The following JADE1 variants were observed in gnomAD, a reference collection of about 807,000 sequenced individuals.
JADE1 encodes jade family PHD finger 1, also known as protein Jade-1.
In JADE1, 14 loss-of-function variants were observed where a neutral mutation model predicts 81.8. That is an observed-to-expected ratio of 0.17 (90% CI 0.11 to 0.27). The LOEUF (loss-of-function observed/expected upper bound fraction) is 0.27. Among genes scored for constraint, JADE1 ranks in the 10% least tolerant of loss-of-function variants. The pLI is 1.00. For synonymous variants in JADE1, 353 were observed against 391.9 expected (o/e 0.90, Z 1.17); for missense variants, 690 against 1,047.9 (o/e 0.66, Z 4.71).
At chr4:128,838,157 C>T (rs1729133774) in intron 2 of JADE1, among the ~76,000 whole-genome samples, 1 of 152,130 alleles carries the variant, frequency 6.6e-6, no homozygotes, top group Non-Finnish European at 1.5e-5. Flanking sequence ...GTGCTACAAA[C>T]TCTGTGCCTT....
rs778483596 is a variant in JADE1, at chr4:128,855,600, A to G, written c.697-30A>G. 2.6e-6 allele frequency: 4 copies of G among 1,554,104 alleles called. No homozygotes were observed. In the South Asian group the frequency reaches 3.5e-5, roughly 14 times the overall value. ...AAAATAACATTTTCTCTTTCTCTCT[A>G]TTCCTCTGGGATGTGCCGTGGCATC... On this transcript the variant is annotated intron_variant, in intron 6 of 10. Transcript: ENST00000226319.
rs912754491 is a variant in JADE1, at chr4:128,873,361, C to T, written c.*1099C>T. On this transcript the variant is annotated 3_prime_UTR_variant, in exon 11 of 11. Transcript: ENST00000226319. ...AAAACAATAGAAAGGCAATAAGTTG[C>T]GATAAGCTCTTACTATTGACCAAGG... is the stretch of plus-strand genomic sequence containing the variant. 6 of 151,292 alleles carry T rather than the reference C, an allele frequency of 4.0e-5. No individual in the cohort carries two copies. The highest frequency in any genetic ancestry group is 1.5e-4 in the African/African-American group (6 of 40,922). The allele number at this position is 151,292 out of a possible 1,614,324, so 9.4% of individuals were successfully genotyped here. A position where few individuals can be genotyped will look rare whatever the true frequency, so the allele number is the denominator to read the frequency against.
In JADE1 at chr4:128,873,892, C is replaced by T. The variant is rs1168450076; in HGVS notation, c.*1630C>T. Reference sequence around the variant, plus strand: ...AAAAGGCTTATTGAATCCCATCTTGCTATGCAAGTTTTATCAGATGATCAA... The same window carrying T: ...AAAAGGCTTATTGAATCCCATCTTGTTATGCAAGTTTTATCAGATGATCAA... On this transcript the variant is annotated 3_prime_UTR_variant, in exon 11 of 11. Transcript: ENST00000226319. The T allele has an allele frequency of 3.3e-5, 5 of 152,630 alleles. No homozygotes were observed. Among genetic ancestry groups the T allele is most frequent in the South Asian group, 2.1e-4 (1 of 4,834 alleles). 9.5% of individuals were successfully genotyped at this position (152,630 alleles called of 1,614,324 possible).
chr4:128,861,292 A>G lies in JADE1; in HGVS notation c.982-412A>G, dbSNP rs192160055. On this transcript the variant is annotated intron_variant, in intron 8 of 10. Coordinates refer to ENST00000226319, the MANE Select transcript of JADE1 (RefSeq NM_199320.4). ...TTTGTGTAATCATGTCTGCTCCAAG[A>G]TGGGATTTGGATGCAGTTACTTTTC... is the stretch of plus-strand genomic sequence containing the variant. Among the ~76,000 whole-genome samples the G allele has an allele frequency of 1.5e-3, 235 of 152,284 alleles. 1 individual carries two copies. Among genetic ancestry groups the G allele is most frequent in the Non-Finnish European group, 1.8e-3 (121 of 68,024 alleles).
intron 2 of JADE1, among the ~76,000 whole-genome samples, chr4:128,833,789 C>T (rs866183392): frequency 5.3e-5 from 8 of 152,164 alleles, no homozygotes; most frequent in African/African-American, 1.9e-4. Context: ...AGCTTAAGAG[C>T]CCTATTTAAA....
intron 8 of JADE1, among the ~76,000 whole-genome samples, chr4:128,858,042 G>A (rs1390505092): frequency 2.0e-5 from 3 of 152,138 alleles, no homozygotes; most frequent in African/African-American, 7.2e-5. Flanking sequence ...CATCTCATTG[G>A]GGCATCATTT....
intron 8 of JADE1, among the ~76,000 whole-genome samples, chr4:128,857,938 G>C (rs938041779): frequency 1.3e-5 from 2 of 152,138 alleles, no homozygotes; most frequent in Non-Finnish European, 2.9e-5. Flanking sequence ...GTAATCAAGG[G>C]GACATGCTAA....
intron 2 of JADE1, among the ~76,000 whole-genome samples, chr4:128,842,254 A>AG (rs1241147050): frequency 6.6e-6 from 1 of 152,080 alleles, no homozygotes; most frequent in Non-Finnish European, 1.5e-5. Flanking sequence ...ACAGTGTTTT[A>AG]GAAAGCTTCC....
At chr4:128,834,847 T>A (rs565552027) in intron 2 of JADE1, among the ~76,000 whole-genome samples, 4 of 152,088 alleles carry the variant, frequency 2.6e-5, no homozygotes, top group Admixed American at 2.6e-4. Context: ...ATATTTCATC[T>A]AAAATATATA....
At chr4:128,815,199 C>CCGCCTCCCTGT (rs1726915958) in intron 1 of JADE1, among the ~76,000 whole-genome samples, 1 of 40,432 alleles carries the variant, frequency 2.5e-5, no homozygotes, top group Non-Finnish European at 7.1e-5. Flanking sequence ...CTCGCGGGTT[C>CCGCCTCCCTGT]ACGCCATTCT....
chr4:128,857,488 T>C, intron 8 of JADE1, 34 bp downstream of exon 8: 1 of 1,520,066 alleles, frequency 6.6e-7, no homozygotes, highest in Non-Finnish European at 9.1e-7. Context: ...TTCATTTTCC[T>C]TTCCTGCGTG....
rs150826756 is a variant in JADE1, at chr4:128,810,873, G to C, written c.-27+996G>C. On this transcript the variant is annotated intron_variant, in intron 1 of 10. Coordinates refer to ENST00000226319, the MANE Select transcript of JADE1 (RefSeq NM_199320.4). ...AATCGATGAAATGGGGTAGGAGTTG[G>C]CGTTGGTAGAGCAAAGTACCGATTA... Among the ~76,000 whole-genome samples the C allele has an allele frequency of 1.6e-3, 244 of 152,254 alleles. 5 individuals are homozygous for C. The highest frequency in any genetic ancestry group is 0.014 in the East Asian group (70 of 5,184).
intron 1 of JADE1, among the ~76,000 whole-genome samples, chr4:128,823,381 CA>C (rs1402782670): frequency 2.0e-5 from 3 of 152,050 alleles, no homozygotes; most frequent in Admixed American, 6.6e-5. Context: ...AATCTGAGTT[CA>C]AAAATAACTT....
In JADE1 at chr4:128,872,346, C is replaced by T; in HGVS notation, c.*84C>T. On this transcript the variant is annotated 3_prime_UTR_variant, in exon 11 of 11. Coordinates refer to ENST00000226319, the MANE Select transcript of JADE1 (RefSeq NM_199320.4). ...CTCTGATGTGGGGGAGAAGCAGAAACCCATTAATCCTGAGCTACACAAACA... is the reference window on the plus strand; with the variant it reads ...CTCTGATGTGGGGGAGAAGCAGAAATCCATTAATCCTGAGCTACACAAACA... 8.7e-7 allele frequency: 1 copy of T among 1,146,510 alleles called. No individual in the cohort carries two copies. Among genetic ancestry groups the T allele is most frequent in the Non-Finnish European group, 1.3e-6 (1 of 797,544 alleles). 71.0% of individuals were successfully genotyped at this position (1,146,510 alleles called of 1,614,324 possible). A position where few individuals can be genotyped will look rare whatever the true frequency, so the allele number is the denominator to read the frequency against.
intron 2 of JADE1, among the ~76,000 whole-genome samples, chr4:128,833,702 A>T (rs890203538): frequency 2.0e-5 from 3 of 152,200 alleles, no homozygotes; most frequent in African/African-American, 7.2e-5. Flanking sequence ...TCGAAAAAAA[A>T]TTCTTGCTTT....
At chr4:128,816,491 T>A (rs1727040792) in intron 1 of JADE1, 1 of 152,204 alleles carries the variant, frequency 6.6e-6, no homozygotes, top group Non-Finnish European at 1.5e-5. Flanking sequence ...TGTCATGGAA[T>A]AGAATGGAAG....
chr4:128,864,461 T>C (rs751196663), intron 9 of JADE1: 48 of 985,288 alleles, frequency 4.9e-5, no homozygotes, highest in Non-Finnish European at 5.5e-5. Context: ...AAAATGGGCT[T>C]ATTGTAATGA....
intron 8 of JADE1, among the ~76,000 whole-genome samples, chr4:128,860,317 A>T (rs964106599): frequency 3.9e-5 from 6 of 152,162 alleles, no homozygotes; most frequent in African/African-American, 1.4e-4. Context: ...AGTGTTTGTA[A>T]GGGTGGAATG....
intron 2 of JADE1, 123 bp downstream of exon 2, chr4:128,831,933 C>A: frequency 2.3e-6 from 2 of 868,114 alleles, no homozygotes; most frequent in Non-Finnish European, 1.9e-6. Context: ...CAGAGAAAGC[C>A]AAAGCCTGGA....
Sources: allele counts gnomAD v4.1 joint callset (sites outside exome capture counted in the v4.1 genomes callset), GRCh38; gene constraint gnomAD v4.1.1; transcripts MANE v1.5; gene names NCBI Gene and HGNC (gene_info 2026-07-23, HGNC 2026-07-21).